Variants in CWF19L2 observed in about 807,000 individuals in gnomAD.
CWF19L2 encodes CWF19 like cell cycle control factor 2.
CWF19L2 carries 98 observed loss-of-function variants against 111.7 expected under a neutral mutation model. The observed-to-expected ratio is 0.88, with a 90% CI of 0.75 to 1.04. The LOEUF (loss-of-function observed/expected upper bound fraction) is 1.04, where lower values mean the gene tolerates loss of function less well. Among genes scored for constraint, CWF19L2 ranks in the 50% least tolerant of loss-of-function variants. The pLI is 0.00. For synonymous variants in CWF19L2, 351 were observed against 342.9 expected, an observed-to-expected ratio of 1.02 and a Z score of -0.26; for missense variants, 1,101 against 1,051.4, an observed-to-expected ratio of 1.05 and a Z score of -0.65.
rs112156918 is a variant in CWF19L2 at position 107,348,227 on chromosome 11, T to C, written c.2202+710A>G. On this transcript the variant is annotated intron_variant, in intron 14 of 17. Coordinates refer to ENST00000282251, the MANE Select transcript of CWF19L2 (RefSeq NM_152434.3). ...CAAAGACTAGTCATCTCTTGTGCAG[T>C]GCTAACTTACAATTTTCACATTTTC... Among the ~76,000 whole-genome samples, 645 of 148,324 alleles carry C rather than the reference T, an allele frequency of 4.3e-3. 4 individuals carry two copies. Among genetic ancestry groups the C allele is most frequent in the African/African-American group, 0.015 (585 of 37,880 alleles).
intron 14 of CWF19L2, among the ~76,000 whole-genome samples, chr11:107,339,224 A>G (rs1296262835): frequency 6.6e-6 from 1 of 152,182 alleles, no homozygotes; most frequent in African/African-American, 2.4e-5. Flanking sequence ...AGTATGTTTA[A>G]CCATACACCT....
rs1859774424 is a variant in CWF19L2, at chr11:107,327,181, T to C, written c.2542-128A>G. ...CTCCATGACAATGTTCAAGCATAAA[T>C]ACTAGTTGAAGTTAAAAAAATATGT... On this transcript the variant is annotated intron_variant, in intron 17 of 17. Coordinates refer to ENST00000282251, the MANE Select transcript of CWF19L2 (RefSeq NM_152434.3). 4.2e-6 allele frequency: 4 copies of C among 959,594 alleles called. No homozygotes were observed. The Admixed American group carries it at 1.2e-4, about 28-fold the overall frequency. 59.4% of individuals were successfully genotyped at this position (959,594 alleles called of 1,614,324 possible). A position where few individuals can be genotyped will look rare whatever the true frequency, so the allele number is the denominator to read the frequency against.
chr11:107,334,625 C>T (rs1377581093), intron 16 of CWF19L2, among the ~76,000 whole-genome samples: 2 of 152,176 alleles, frequency 1.3e-5, no homozygotes, highest in Non-Finnish European at 2.9e-5. Context: ...CTAATAGCTG[C>T]CATAGCCAAT....
At chr11:107,351,413 G>C (rs952066362) in intron 13 of CWF19L2, among the ~76,000 whole-genome samples, 1 of 152,016 alleles carries the variant, frequency 6.6e-6, no homozygotes, top group Non-Finnish European at 1.5e-5. Flanking sequence ...GGTGGAGACG[G>C]GTATTAGACC....
At chr11:107,370,817 C>A (rs2508680) in intron 12 of CWF19L2, among the ~76,000 whole-genome samples, 58,163 of 135,156 alleles carry the variant, frequency 0.43, 19,335 homozygotes, top group African/African-American at 0.67. Context: ...ATTTGTATGT[C>A]CAAAAGAATC....
At chr11:107,327,916 T>A (rs775067706) in intron 17 of CWF19L2, among the ~76,000 whole-genome samples, 3 of 152,136 alleles carry the variant, frequency 2.0e-5, no homozygotes, top group Non-Finnish European at 4.4e-5. Context: ...ACAAACCACA[T>A]AATCTTTCAG....
chr11:107,404,345 T>A, intron 10 of CWF19L2: 1 of 791,760 alleles, frequency 1.3e-6, no homozygotes, highest in South Asian at 1.3e-5. Flanking sequence ...CTTTACTTGG[T>A]CCCAGACCTT....
chr11:107,348,534 C>T (rs1045878006), intron 14 of CWF19L2, among the ~76,000 whole-genome samples: 3 of 152,250 alleles, frequency 2.0e-5, no homozygotes, highest in South Asian at 2.1e-4. Context: ...CAGGAAAATA[C>T]GGCAACCGCT....
At chr11:107,412,344 G>T (rs950536659) in intron 10 of CWF19L2, among the ~76,000 whole-genome samples, 25 of 152,068 alleles carry the variant, frequency 1.6e-4, no homozygotes, top group African/African-American at 5.6e-4. Flanking sequence ...AGTTTTTTGG[G>T]TTTTTTTGTT....
chr11:107,355,143 G>C (rs531728657), intron 12 of CWF19L2, among the ~76,000 whole-genome samples: 1 of 152,112 alleles, frequency 6.6e-6, no homozygotes, highest in Non-Finnish European at 1.5e-5. Context: ...CAGGCCAGGC[G>C]CGGTGGCTCA....
intron 8 of CWF19L2, 61 bp downstream of exon 8, chr11:107,428,738 A>G (rs1861415273): frequency 7.8e-7 from 1 of 1,284,684 alleles, no homozygotes; most frequent in Non-Finnish European, 1.1e-6. Context: ...TTCTAAAAAT[A>G]CAGTTCTGTT....
At chr11:107,355,007 T>C (rs957775100) in intron 12 of CWF19L2, among the ~76,000 whole-genome samples, 1 of 152,234 alleles carries the variant, frequency 6.6e-6, no homozygotes, top group Admixed American at 6.5e-5. Flanking sequence ...ATCACACTCA[T>C]TAACTTGTCT....
At chr11:107,333,566 A>G (rs945046849) in intron 16 of CWF19L2, among the ~76,000 whole-genome samples, 1 of 152,330 alleles carries the variant, frequency 6.6e-6, no homozygotes, top group African/African-American at 2.4e-5. Flanking sequence ...CTTTTTCTAT[A>G]GGCACAAAAA....
intron 4 of CWF19L2, 101 bp from the exon 5 acceptor site, chr11:107,441,723 T>A: frequency 8.1e-7 from 1 of 1,239,482 alleles, no homozygotes; most frequent in Admixed American, 3.8e-5. Flanking sequence ...GCAGGGACTT[T>A]GGAGGCAATC....
intron 12 of CWF19L2, among the ~76,000 whole-genome samples, chr11:107,374,438 A>G (rs1456997036): frequency 7.4e-6 from 1 of 134,674 alleles, no homozygotes; most frequent in Admixed American, 7.2e-5. Flanking sequence ...GAAACTCTAC[A>G]AGCCAGAAGA....
At chr11:107,333,865 C>T (rs1859884380) in intron 16 of CWF19L2, among the ~76,000 whole-genome samples, 2 of 152,146 alleles carry the variant, frequency 1.3e-5, no homozygotes, top group South Asian at 4.1e-4. Flanking sequence ...AGAATAGGGA[C>T]TGGCAAACTT....
intron 13 of CWF19L2, among the ~76,000 whole-genome samples, chr11:107,349,443 G>C (rs1347264477): frequency 1.3e-5 from 2 of 152,112 alleles, no homozygotes; most frequent in Non-Finnish European, 2.9e-5. Context: ...CACATGGCCT[G>C]GTAACGGTAG....
At chr11:107,457,416 C>G (rs2135435063) in intron 1 of CWF19L2, among the ~76,000 whole-genome samples, 1 of 152,174 alleles carries the variant, frequency 6.6e-6, no homozygotes, top group South Asian at 2.1e-4. Flanking sequence ...AGGGGACCTA[C>G]AAAGTGTGCA....
rs1381239481 is a variant in CWF19L2, at chr11:107,373,279, G to A, written c.1872+16795C>T. On this transcript the variant is annotated intron_variant, in intron 12 of 17. Coordinates refer to ENST00000282251, the MANE Select transcript of CWF19L2 (RefSeq NM_152434.3). The stretch of plus-strand genomic sequence containing the variant: ...TGGGTGGAGCCCACCACAGCTCAAG[G>A]AGGACTGCCTGCCTCTGTAGGCTCC... Among the ~76,000 whole-genome samples the A allele has an allele frequency of 4.8e-5, 6 of 126,260 alleles. 2 individuals are homozygous for A. The highest frequency in any genetic ancestry group is 1.7e-4 in the African/African-American group (5 of 29,552). 82.8% of individuals were successfully genotyped at this position (126,260 alleles called of 152,430 possible).
Sources: allele counts gnomAD v4.1 joint callset (sites outside exome capture counted in the v4.1 genomes callset), GRCh38; gene constraint gnomAD v4.1.1; transcripts MANE v1.5; gene names NCBI Gene and HGNC (gene_info 2026-07-23, HGNC 2026-07-21).